TENM3: variants seen among roughly 807,000 people sequenced by gnomAD.
TENM3 encodes the protein teneurin transmembrane protein 3, also known as teneurin-3.
In TENM3, 63 loss-of-function variants were observed where a neutral mutation model predicts 255.1. The ratio of observed to expected loss-of-function variants is 0.25; its 90% confidence interval spans 0.20 to 0.30. The LOEUF is 0.30. Among genes scored for constraint, TENM3 ranks in the 10% least tolerant of loss-of-function variants. The pLI, the probability that TENM3 is intolerant of heterozygous loss-of-function variation, is 1.00. For missense variants in TENM3, 2,929 were observed against 3,461.1 expected, an observed-to-expected ratio of 0.85 and a Z score of 3.86; for synonymous variants, 1,306 against 1,322.3, an observed-to-expected ratio of 0.99 and a Z score of 0.27.
At chr4:181,829,339 G>T in the TENM3 span, among the ~76,000 whole-genome samples, 3 of 152,148 alleles carry the variant, frequency 2.0e-5, no homozygotes, top group Admixed American at 6.5e-5. Flanking sequence ...CTAAAATGTT[G>T]TATTTGCTAG....
At chr4:181,529,331 T>C in the TENM3 span, among the ~76,000 whole-genome samples, 5 of 152,228 alleles carry the variant, frequency 3.3e-5, no homozygotes, top group Admixed American at 6.5e-5. Flanking sequence ...CAGAAGGAAA[T>C]GAGAGAACTG....
the TENM3 span, among the ~76,000 whole-genome samples, chr4:181,660,395 A>T: frequency 2.5e-4 from 38 of 152,288 alleles, no homozygotes; most frequent in South Asian, 7.7e-3. Context: ...CATTATTCAT[A>T]CTTAACCACT....
In TENM3 at chr4:182,770,034, AG is replaced by A. The variant is rs534029545; in HGVS notation, c.4893-3436del. ...GGGAGGAGGATTGCTTGAACCCAGG[AG>A]GCGGAGGTTGCAGTGAGCCGAGATC... On this transcript the variant is annotated intron_variant, in intron 22 of 27. Coordinates refer to ENST00000511685, the MANE Select transcript of TENM3 (RefSeq NM_001080477.4). Among the ~76,000 whole-genome samples the A allele has an allele frequency of 5.8e-3, 848 of 147,098 alleles. 3 individuals are homozygous for A. Among genetic ancestry groups the A allele is most frequent in the South Asian group, 0.023 (102 of 4,482 alleles).
the TENM3 span, among the ~76,000 whole-genome samples, chr4:181,963,778 C>T: frequency 1.3e-5 from 2 of 152,020 alleles, no homozygotes; most frequent in Non-Finnish European, 2.9e-5. Context: ...TTAATGGGTG[C>T]TTGTTATATA....
chr4:182,521,738 G>A (rs536969563), intron 3 of TENM3, among the ~76,000 whole-genome samples: 1 of 152,126 alleles, frequency 6.6e-6, no homozygotes, highest in Non-Finnish European at 1.5e-5. Context: ...TGCTGCCTCA[G>A]TAGGATATTT....
chr4:181,674,258 A>C, the TENM3 span, among the ~76,000 whole-genome samples: 1 of 152,172 alleles, frequency 6.6e-6, no homozygotes, highest in Non-Finnish European at 1.5e-5. Flanking sequence ...TTGGCCTCCC[A>C]AAGTGCTGGG....
chr4:181,470,127 A>AAAACAAAAAACG, the TENM3 span, among the ~76,000 whole-genome samples: 1 of 138,958 alleles, frequency 7.2e-6, no homozygotes, highest in African/African-American at 2.7e-5. Flanking sequence ...AAAAAAAAAC[A>AAAACAAAAAACG]TTATTCAAAA....
chr4:182,759,964 A>G (rs1327368828), intron 22 of TENM3, among the ~76,000 whole-genome samples: 3 of 152,224 alleles, frequency 2.0e-5, no homozygotes, highest in African/African-American at 4.8e-5. Context: ...TGGGAAGACT[A>G]CATTAGGTAT....
intron 3 of TENM3, among the ~76,000 whole-genome samples, chr4:182,374,168 A>G (rs1219782128): frequency 6.6e-6 from 1 of 152,164 alleles, no homozygotes; most frequent in African/African-American, 2.4e-5. Flanking sequence ...TGGGCAGTCC[A>G]TCATTCAGAT....
At chr4:182,304,634 T>G (rs575811881) in intron 1 of TENM3, among the ~76,000 whole-genome samples, 1 of 151,842 alleles carries the variant, frequency 6.6e-6, no homozygotes, top group African/African-American at 2.4e-5. Flanking sequence ...AACACTGGAG[T>G]AGGTTTTTCT....
the TENM3 span, among the ~76,000 whole-genome samples, chr4:181,678,069 T>C: frequency 4.6e-5 from 7 of 152,168 alleles, no homozygotes; most frequent in Admixed American, 1.3e-4. Context: ...ATTCAACAAA[T>C]ATTTATTGAA....
the TENM3 span, among the ~76,000 whole-genome samples, chr4:181,587,266 A>G: frequency 1.3e-5 from 2 of 152,276 alleles, no homozygotes; most frequent in Middle Eastern, 3.4e-3. Flanking sequence ...AGTGCCAGGC[A>G]TGATGCTCAG....
intron 3 of TENM3, among the ~76,000 whole-genome samples, chr4:182,558,729 A>G (rs1311700722): frequency 2.0e-5 from 3 of 152,196 alleles, no homozygotes; most frequent in Non-Finnish European, 4.4e-5. Context: ...CAATAATTCT[A>G]TATTTCTGTA....
chr4:181,604,895 C>G, the TENM3 span, among the ~76,000 whole-genome samples: 1 of 152,154 alleles, frequency 6.6e-6, no homozygotes, highest in Admixed American at 6.5e-5. Flanking sequence ...GCACCTCACT[C>G]TCCTCATCTG....
chr4:182,366,820 C>T (rs1394460597), intron 3 of TENM3, among the ~76,000 whole-genome samples: 2 of 152,006 alleles, frequency 1.3e-5, no homozygotes, highest in Non-Finnish European at 2.9e-5. Context: ...CTTAAAGAAG[C>T]TTATGGAAGT....
At chr4:182,084,715 T>C in the TENM3 span, 4 of 152,226 alleles carry the variant, frequency 2.6e-5, no homozygotes, top group Non-Finnish European at 5.9e-5. Context: ...ACTTAATTTT[T>C]ATTTACAAGG....
chr4:181,863,993 G>T, the TENM3 span, among the ~76,000 whole-genome samples: 2 of 152,088 alleles, frequency 1.3e-5, no homozygotes, highest in Non-Finnish European at 2.9e-5. Context: ...TGCCTTCCTA[G>T]ATTTCAAGAA....
At position 182,222,248 on chromosome 4, in the gene TENM3, C is replaced by T. The variant is rs183855303; in HGVS notation, c.-76+77494C>T. On this transcript the variant is annotated intron_variant, in intron 1 of 2. Coordinates refer to the TENM3 transcript ENST00000512480. ...TTTTAGACTGTGGTGTAAACCAACC[C>T]GCAGGTTGTCATAACCAATTCAGTA... Among the ~76,000 whole-genome samples the T allele has an allele frequency of 8.5e-5, 13 of 152,284 alleles. No homozygotes were observed. In the East Asian group the frequency reaches 2.3e-3, roughly 27 times the overall value.
At chr4:182,123,240 C>G in the TENM3 span, among the ~76,000 whole-genome samples, 2 of 152,152 alleles carry the variant, frequency 1.3e-5, no homozygotes, top group Non-Finnish European at 2.9e-5. Context: ...GAAGCTGTTT[C>G]ACTTTTTTAT....
Sources: allele counts gnomAD v4.1 joint callset (sites outside exome capture counted in the v4.1 genomes callset), GRCh38; gene constraint gnomAD v4.1.1; transcripts MANE v1.5; gene names NCBI Gene and HGNC (gene_info 2026-07-23, HGNC 2026-07-21).